Variants in TSPAN8 observed in about 807,000 individuals in gnomAD.
TSPAN8 encodes the protein tetraspanin 8, also known as tetraspanin-8.
In TSPAN8, 21 loss-of-function variants were observed where a neutral mutation model predicts 32.8. That is an observed-to-expected ratio of 0.64 (90% CI 0.45 to 0.92). The LOEUF (loss-of-function observed/expected upper bound fraction) is 0.92. Ranked by LOEUF, TSPAN8 falls within the 40% of genes least tolerant of loss-of-function variation. The pLI is 0.00. For synonymous variants in TSPAN8, 95 were observed against 94.6 expected (o/e 1.00, Z -0.03); for missense variants, 269 against 281.9 (o/e 0.95, Z 0.33).
chr12:71,129,234 T>C (rs1189323795), intron 8 of TSPAN8, 97 bp downstream of exon 8: 3 of 1,278,244 alleles, frequency 2.3e-6, no homozygotes, highest in Non-Finnish European at 3.1e-6. Flanking sequence ...TTGTTGTGGT[T>C]TTTTTTTTTC....
In TSPAN8 at chr12:71,137,963, A is replaced by G; in HGVS notation, c.434T>C (p.Phe145Ser). The G allele has an allele frequency of 6.2e-7, 1 of 1,612,740 alleles. No individual in the cohort carries two copies. Among genetic ancestry groups the G allele is most frequent in the Non-Finnish European group, 8.5e-7 (1 of 1,179,736 alleles). Residue 145 changes from phenylalanine to serine, a missense_variant, in exon 6 of 9, where the codon TTT becomes TCT. Transcript: ENST00000247829. Reference sequence around the variant, plus strand: ...ATGAATTCTAATTACCTCTTCTTGAAACACAATTATGGCTTCCTGGAATTG... The same window carrying G: ...ATGAATTCTAATTACCTCTTCTTGAGACACAATTATGGCTTCCTGGAATTG... Reference protein sequence around the residue: ...EKQFQEAIIVFQEEFKCCGLV... With the variant: ...EKQFQEAIIVSQEEFKCCGLV...
chr12:71,153,678 G>A lies in TSPAN8; in HGVS notation c.60+3941C>T, dbSNP rs145268254. On this transcript the variant is annotated intron_variant, in intron 2 of 8. Transcript: ENST00000247829. Reference sequence around the variant, plus strand: ...AATTGCTAATTTCCTATGAAGGATTGTAAAATTCCAACTGAGAGCTCAGAG... The same window carrying A: ...AATTGCTAATTTCCTATGAAGGATTATAAAATTCCAACTGAGAGCTCAGAG... Among the ~76,000 whole-genome samples, 18 of 152,298 alleles carry A rather than the reference G, an allele frequency of 1.2e-4. No individual in the cohort carries two copies. In the East Asian group the frequency reaches 3.5e-3, roughly 29 times the overall value.
At chr12:71,134,138 A>G (rs1871606536) in intron 6 of TSPAN8, among the ~76,000 whole-genome samples, 2 of 152,354 alleles carry the variant, frequency 1.3e-5, no homozygotes, top group South Asian at 4.1e-4. Context: ...TAATAATAGC[A>G]TTTAATTTGC....
chr12:71,133,304 C>T (rs548033673), intron 6 of TSPAN8, among the ~76,000 whole-genome samples: 12 of 152,234 alleles, frequency 7.9e-5, no homozygotes, highest in African/African-American at 2.9e-4. Flanking sequence ...CCAGGATTGT[C>T]TCAATCTCCT....
chr12:71,139,105 T>C (rs1871808354), intron 4 of TSPAN8: 4 of 456,052 alleles, frequency 8.8e-6, no homozygotes, highest in Non-Finnish European at 1.8e-5. Context: ...TTAAACTTTT[T>C]TTTTAGCATG....
At chr12:71,157,567 A>G (rs1236788293) in intron 2 of TSPAN8, 52 bp downstream of exon 2, 10 of 1,263,872 alleles carry the variant, frequency 7.9e-6, no homozygotes, top group African/African-American at 4.4e-5. Flanking sequence ...TGATATTTAT[A>G]TCAAGATCCC....
rs1872495972 is a variant in TSPAN8 at position 71,157,816 on chromosome 12, G to A, written c.-109-29C>T. 4.6e-6 allele frequency: 3 copies of A among 650,776 alleles called. No individual in the cohort carries two copies. In the Admixed American group the frequency reaches 7.8e-5, roughly 17 times the overall value. 40.3% of individuals were successfully genotyped at this position (650,776 alleles called of 1,614,324 possible). On this transcript the variant is annotated intron_variant, in intron 1 of 8. Coordinates refer to ENST00000247829, the MANE Select transcript of TSPAN8 (RefSeq NM_004616.3). The stretch of plus-strand genomic sequence containing the variant: ...CAGAGCAGAAAGAGAAAGCAAAGAA[G>A]TAGAGGGAGGAATAAAAAGTTATTA...
In TSPAN8 at chr12:71,144,132, C is replaced by A. The variant is rs1415613987; in HGVS notation, c.123+19G>T. The A allele has an allele frequency of 6.2e-7, 1 of 1,605,596 alleles. No individual in the cohort carries two copies. ...ATAAACTACATTGGGGAAAGGGTGA[C>A]TTGTTTTTGCATACTTACTGCTTGA... On this transcript the variant is annotated intron_variant, in intron 3 of 8. Transcript: ENST00000247829.
intron 7 of TSPAN8, among the ~76,000 whole-genome samples, chr12:71,130,637 A>G (rs1871491335): frequency 8.0e-6 from 1 of 125,666 alleles, no homozygotes; most frequent in Non-Finnish European, 1.8e-5. Context: ...AGGCTAAGTC[A>G]TCTTTCCCCT....
chr12:71,145,321 A>C (rs920243740), intron 2 of TSPAN8, among the ~76,000 whole-genome samples: 6 of 152,134 alleles, frequency 3.9e-5, no homozygotes, highest in African/African-American at 1.2e-4. Context: ...TAAACCTCTC[A>C]TTTTGAATGG....
intron 8 of TSPAN8, among the ~76,000 whole-genome samples, chr12:71,128,105 C>T (rs904549560): frequency 1.3e-5 from 2 of 152,142 alleles, no homozygotes; most frequent in Non-Finnish European, 2.9e-5. Context: ...ATCCATAGCA[C>T]CATTTGACTC....
At position 71,138,407 on chromosome 12, in the gene TSPAN8, C is replaced by T. The variant is rs568603193; in HGVS notation, c.262-177G>A. 5.9e-5 allele frequency among the ~76,000 whole-genome samples: 9 copies of T among 152,250 alleles called. No individual in the cohort carries two copies. The East Asian group carries it at 1.7e-3, about 29-fold the overall frequency. On this transcript the variant is annotated intron_variant, in intron 4 of 8. Coordinates refer to ENST00000247829, the MANE Select transcript of TSPAN8 (RefSeq NM_004616.3). ...TGAAAATTTTGGGTTCATTACTACT[C>T]AGAAAATTGCTCCAGAGACTGATCG...
intron 2 of TSPAN8, among the ~76,000 whole-genome samples, chr12:71,145,577 C>A (rs983149003): frequency 1.3e-5 from 2 of 152,136 alleles, no homozygotes; most frequent in Non-Finnish European, 2.9e-5. Flanking sequence ...ACTTCTCTAA[C>A]CCTGAGATTT....
At chr12:71,141,917 G>C (rs972459597) in intron 3 of TSPAN8, among the ~76,000 whole-genome samples, 2 of 152,124 alleles carry the variant, frequency 1.3e-5, no homozygotes, top group Admixed American at 1.3e-4. Context: ...GGGACCTCCT[G>C]GGACAAGGAT....
intron 2 of TSPAN8, among the ~76,000 whole-genome samples, chr12:71,150,106 T>A (rs1872203849): frequency 6.6e-6 from 1 of 152,194 alleles, no homozygotes; most frequent in Non-Finnish European, 1.5e-5. Context: ...CCTGGTCTCC[T>A]GCAGTACCCT....
At chr12:71,147,856 C>A (rs1438002110) in intron 2 of TSPAN8, among the ~76,000 whole-genome samples, 2 of 152,064 alleles carry the variant, frequency 1.3e-5, no homozygotes, top group Non-Finnish European at 2.9e-5. Flanking sequence ...TCATTTAGAT[C>A]CCCTGTATCC....
At chr12:71,125,408 A>G in intron 8 of TSPAN8, 21 bp from the exon 9 acceptor site, 3 of 1,599,024 alleles carry the variant, frequency 1.9e-6, no homozygotes, top group South Asian at 1.1e-5. Flanking sequence ...AAATAACAGG[A>G]TTAACATGGA....
chr12:71,139,074 A>G (rs1871806683), intron 4 of TSPAN8: 1 of 455,884 alleles, frequency 2.2e-6, no homozygotes, highest in African/African-American at 2.0e-5. Context: ...TCTAAGAGAT[A>G]ATTCTGATTA....
At chr12:71,145,144 G>T (rs1209244922) in intron 2 of TSPAN8, among the ~76,000 whole-genome samples, 1 of 152,064 alleles carries the variant, frequency 6.6e-6, no homozygotes. Context: ...TTTCGTGCAT[G>T]GTTGAGACAT....
Sources: gnomAD v4.1 joint callset for allele counts (sites outside exome capture counted in the v4.1 genomes callset) on GRCh38, gnomAD v4.1.1 for gene constraint, MANE v1.5 for transcripts, NCBI Gene and HGNC (gene_info 2026-07-23, HGNC 2026-07-21) for gene names.